Variants in CNTN1 observed in about 807,000 individuals in gnomAD.
CNTN1 encodes the protein contactin-1.
A neutral mutation model predicts 126.4 loss-of-function variants in CNTN1; 38 were observed. The observed-to-expected ratio is 0.30, with a 90% CI of 0.23 to 0.39. The LOEUF (loss-of-function observed/expected upper bound fraction) is 0.39, where lower values mean the gene tolerates loss of function less well. Among genes scored for constraint, CNTN1 ranks in the 10% least tolerant of loss-of-function variants. The pLI is 1.00. For synonymous variants in CNTN1, 413 were observed against 422.6 expected (o/e 0.98, Z 0.28); for missense variants, 1,009 against 1,248.4 (o/e 0.81, Z 2.89).
At chr12:40,970,978 C>T (rs1273211809) in intron 15 of CNTN1, among the ~76,000 whole-genome samples, 2 of 152,112 alleles carry the variant, frequency 1.3e-5, no homozygotes, top group African/African-American at 4.8e-5. Flanking sequence ...TAAAATATAA[C>T]TCAAGACACA....
At chr12:40,759,766 GC>G (rs1444037245) in intron 1 of CNTN1, among the ~76,000 whole-genome samples, 1 of 144,450 alleles carries the variant, frequency 6.9e-6, no homozygotes, top group East Asian at 2.0e-4. Flanking sequence ...ACCTCACTTG[GC>G]CCAGATATTT....
intron 1 of CNTN1, among the ~76,000 whole-genome samples, chr12:40,812,963 TG>T (rs1941121042): frequency 6.6e-6 from 1 of 150,616 alleles, no homozygotes; most frequent in South Asian, 2.1e-4. Flanking sequence ...TTTTTTTGGT[TG>T]TTTTGAAAAT....
At chr12:40,699,083 G>GGTAACCTA (rs1479870724) in intron 1 of CNTN1, among the ~76,000 whole-genome samples, 4 of 58,336 alleles carry the variant, frequency 6.9e-5, no homozygotes, top group African/African-American at 1.7e-4. Context: ...TTGACTCCCT[G>GGTAACCTA]TGGATATCCC....
chr12:40,932,636 C>T (rs376075620), intron 7 of CNTN1, among the ~76,000 whole-genome samples: 7 of 151,968 alleles, frequency 4.6e-5, no homozygotes, highest in Middle Eastern at 3.4e-3. Flanking sequence ...GGAGCTTTGT[C>T]GTAATATGGT....
rs1440567352 is a variant in CNTN1 at position 41,071,391 on chromosome 12, T to C, written c.*1356T>C. The stretch of plus-strand genomic sequence containing the variant: ...ATAAAGAATTAGCTGGCTTGTGAAA[T>C]AGTGCAGTGTTGGATGCTTCAAGAG... On this transcript the variant is annotated 3_prime_UTR_variant, in exon 24 of 24. Coordinates refer to ENST00000551295, the MANE Select transcript of CNTN1 (RefSeq NM_001843.4). The C allele has an allele frequency of 6.6e-6, 1 of 152,208 alleles. No individual in the cohort carries two copies. Among genetic ancestry groups the C allele is most frequent in the Non-Finnish European group, 1.5e-5 (1 of 68,026 alleles). 9.4% of individuals were successfully genotyped at this position (152,208 alleles called of 1,614,324 possible). A position where few individuals can be genotyped will look rare whatever the true frequency, so the allele number is the denominator to read the frequency against.
chr12:40,768,117 A>G (rs1037068395), intron 1 of CNTN1, among the ~76,000 whole-genome samples: 14 of 152,370 alleles, frequency 9.2e-5, no homozygotes, highest in Admixed American at 7.8e-4. Flanking sequence ...TTCTCGATGT[A>G]TCCTTTAAAT....
intron 1 of CNTN1, among the ~76,000 whole-genome samples, chr12:40,819,807 A>G (rs1386777019): frequency 1.3e-5 from 2 of 152,166 alleles, no homozygotes; most frequent in African/African-American, 2.4e-5. Context: ...TGGGTTCACA[A>G]GTAGGATCTT....
intron 1 of CNTN1, among the ~76,000 whole-genome samples, chr12:40,745,776 A>T (rs1284605387): frequency 6.6e-6 from 1 of 152,148 alleles, no homozygotes; most frequent in Non-Finnish European, 1.5e-5. Flanking sequence ...TATGGCAAAG[A>T]AACATATTCG....
At chr12:40,738,244 T>A (rs1316634237) in intron 1 of CNTN1, among the ~76,000 whole-genome samples, 1 of 152,048 alleles carries the variant, frequency 6.6e-6, no homozygotes, top group Non-Finnish European at 1.5e-5. Flanking sequence ...TATATTGATG[T>A]CATTATATGG....
chr12:40,832,460 T>A (rs1038593534), intron 1 of CNTN1, among the ~76,000 whole-genome samples: 6 of 152,200 alleles, frequency 3.9e-5, no homozygotes, highest in African/African-American at 1.2e-4. Flanking sequence ...GGTAACATGC[T>A]GTTCATGTTT....
chr12:40,737,388 T>A (rs1044544160), intron 1 of CNTN1, among the ~76,000 whole-genome samples: 1 of 142,052 alleles, frequency 7.0e-6, no homozygotes, highest in Non-Finnish European at 1.5e-5. Context: ...TATATGAGTT[T>A]ATTAAGTATT....
intron 1 of CNTN1, among the ~76,000 whole-genome samples, chr12:40,849,501 G>T (rs7301457): frequency 0.019 from 2,830 of 152,062 alleles, 88 homozygotes; most frequent in African/African-American, 0.064. Context: ...CCCCAATCGA[G>T]TCTACCCTCT....
intron 1 of CNTN1, among the ~76,000 whole-genome samples, chr12:40,842,759 T>C (rs1592147636): frequency 1.3e-5 from 2 of 152,092 alleles, no homozygotes; most frequent in East Asian, 3.9e-4. Context: ...AATAAATGTA[T>C]GTTGAATAAA....
chr12:40,860,141 G>C (rs927861242), intron 1 of CNTN1, among the ~76,000 whole-genome samples: 1 of 151,992 alleles, frequency 6.6e-6, no homozygotes, highest in Non-Finnish European at 1.5e-5. Context: ...CAATTCAACA[G>C]ACAAAATTCA....
rs570835528 is a variant in CNTN1 at position 40,786,269 on chromosome 12, C to T, written c.-77+93677C>T. 3.3e-5 allele frequency among the ~76,000 whole-genome samples: 5 copies of T among 152,244 alleles called. No individual in the cohort carries two copies. In the South Asian group the frequency reaches 8.3e-4, roughly 25 times the overall value. ...GAAGGTTGCACTCAGCTTCTAAAGG[C>T]CAAAGAATGCCTTTGTGTACCACCT... On this transcript the variant is annotated intron_variant, in intron 1 of 23. Coordinates refer to ENST00000551295, the MANE Select transcript of CNTN1 (RefSeq NM_001843.4).
chr12:40,911,860 C>A (rs1945050306), intron 3 of CNTN1, among the ~76,000 whole-genome samples: 1 of 152,220 alleles, frequency 6.6e-6, no homozygotes, highest in South Asian at 2.1e-4. Flanking sequence ...AATGGCATCA[C>A]TCCCTGTCAA....
At chr12:40,753,832 G>A (rs1938495509) in intron 1 of CNTN1, among the ~76,000 whole-genome samples, 1 of 152,074 alleles carries the variant, frequency 6.6e-6, no homozygotes, top group South Asian at 2.1e-4. Context: ...AGATTTGACA[G>A]TGTCTGGAGC....
At chr12:40,723,184 C>G (rs1310774302) in intron 1 of CNTN1, among the ~76,000 whole-genome samples, 1 of 152,128 alleles carries the variant, frequency 6.6e-6, no homozygotes, top group Non-Finnish European at 1.5e-5. Context: ...GCTGTTCCAT[C>G]CAGGCCTAAC....
intron 23 of CNTN1, among the ~76,000 whole-genome samples, chr12:41,047,909 C>G (rs1370751038): frequency 1.3e-5 from 2 of 152,082 alleles, no homozygotes; most frequent in African/African-American, 4.8e-5. Flanking sequence ...CTCAGACTCC[C>G]AAAAGTTTTT....
Sources: allele counts gnomAD v4.1 joint callset (sites outside exome capture counted in the v4.1 genomes callset), GRCh38; gene constraint gnomAD v4.1.1; transcripts MANE v1.5; gene names NCBI Gene and HGNC (gene_info 2026-07-23, HGNC 2026-07-21).